The following COBL variants were observed in gnomAD, a reference collection of about 807,000 sequenced individuals.
COBL encodes protein cordon-bleu.
Under a neutral mutation model 98.8 loss-of-function variants are expected in COBL, and 51 were observed. The observed-to-expected ratio is 0.52, with a 90% confidence interval of 0.41 to 0.65. The LOEUF is 0.65. Among genes scored for constraint, COBL ranks in the 30% least tolerant of loss-of-function variants. The pLI, the probability that COBL is intolerant of heterozygous loss-of-function variation, is 0.00. For synonymous variants in COBL, 634 were observed against 651.7 expected (o/e 0.97, Z 0.41); for missense variants, 1,617 against 1,617.5 (o/e 1.00, Z 0.01).
intron 8 of COBL, among the ~76,000 whole-genome samples, chr7:51,041,957 T>C (rs1789241007): frequency 6.6e-6 from 1 of 152,124 alleles, no homozygotes; most frequent in Non-Finnish European, 1.5e-5. Context: ...AATACACCAG[T>C]GCTACAAAAA....
At chr7:51,284,917 T>A (rs1448771153) in intron 1 of COBL, among the ~76,000 whole-genome samples, 1 of 151,552 alleles carries the variant, frequency 6.6e-6, no homozygotes, top group Non-Finnish European at 1.5e-5. Flanking sequence ...AGGAACAAGG[T>A]AAGAGTGTGT....
chr7:51,083,385 C>T (rs1793872013), intron 7 of COBL, among the ~76,000 whole-genome samples: 1 of 152,192 alleles, frequency 6.6e-6, no homozygotes, highest in South Asian at 2.1e-4. Flanking sequence ...GCACCTAATC[C>T]ATTCTCATCT....
At position 51,048,633 on chromosome 7, in the gene COBL, GT is replaced by G. The variant is rs998891293; in HGVS notation, c.1097-4942del. On this transcript the variant is annotated intron_variant, in intron 7 of 12. Coordinates refer to ENST00000265136, the MANE Select transcript of COBL (RefSeq NM_015198.5). ...CTAACTGAATGTACTTTATGCTTGAGTTTTTTTTTTTATTCATCAAGCCTCT... is the reference window on the plus strand; with the variant it reads ...CTAACTGAATGTACTTTATGCTTGAGTTTTTTTTTTATTCATCAAGCCTCT... 6.6e-3 allele frequency among the ~76,000 whole-genome samples: 962 copies of G among 146,208 alleles called. 6 individuals carry two copies. The highest frequency in any genetic ancestry group is 0.018 in the Middle Eastern group (5 of 284).
chr7:51,226,287 T>A (rs970121878), intron 1 of COBL, among the ~76,000 whole-genome samples: 2 of 152,194 alleles, frequency 1.3e-5, no homozygotes, highest in African/African-American at 4.8e-5. Context: ...AGTCTGTTTA[T>A]GCTGCAGGCA....
chr7:51,282,565 G>C (rs1038727816), intron 1 of COBL, among the ~76,000 whole-genome samples: 1 of 152,012 alleles, frequency 6.6e-6, no homozygotes, highest in Non-Finnish European at 1.5e-5. Context: ...CTTTGAAATA[G>C]ATACAACAAC....
intron 1 of COBL, among the ~76,000 whole-genome samples, chr7:51,289,928 T>C (rs1800728664): frequency 6.6e-6 from 1 of 152,236 alleles, no homozygotes; most frequent in Non-Finnish European, 1.5e-5. Context: ...CCTCTCTGCC[T>C]TTCTTTGGCC....
chr7:51,272,549 TA>T (rs924320302), intron 1 of COBL, among the ~76,000 whole-genome samples: 13 of 152,138 alleles, frequency 8.5e-5, no homozygotes, highest in African/African-American at 3.1e-4. Flanking sequence ...TTTGGAGCTT[TA>T]AAAAGGAAAA....
chr7:51,240,711 T>TAAC lies in COBL; in HGVS notation c.42-20768_42-20767insGTT, dbSNP rs10625532. 3.3e-5 allele frequency among the ~76,000 whole-genome samples: 5 copies of TAAC among 150,936 alleles called. No homozygotes were observed. The East Asian group carries it at 5.8e-4, about 18-fold the overall frequency. On this transcript the variant is annotated intron_variant, in intron 1 of 12. Coordinates refer to ENST00000265136, the MANE Select transcript of COBL (RefSeq NM_015198.5). ...ACAGGCACGCACCACCACTCCTGGC[T>TAAC]TTTTGTATTTTAAGTAATACGGGGT...
intron 5 of COBL, among the ~76,000 whole-genome samples, chr7:51,148,521 G>A (rs562599140): frequency 6.6e-6 from 1 of 152,318 alleles, no homozygotes; most frequent in Non-Finnish European, 1.5e-5. Flanking sequence ...GCCCATGGAT[G>A]CTGTCCATGT....
chr7:51,114,846 T>G (rs1583842716), intron 6 of COBL, among the ~76,000 whole-genome samples: 1 of 152,354 alleles, frequency 6.6e-6, no homozygotes, highest in Admixed American at 6.5e-5. Flanking sequence ...ATTTGTTTAC[T>G]TGTTTATTTT....
At chr7:51,201,302 T>C (rs1467274984) in intron 2 of COBL, among the ~76,000 whole-genome samples, 1 of 151,166 alleles carries the variant, frequency 6.6e-6, no homozygotes, top group Non-Finnish European at 1.5e-5. Context: ...GGTAGCTATA[T>C]TGTCATTAAA....
At chr7:51,153,215 A>G (rs1179813077) in intron 5 of COBL, among the ~76,000 whole-genome samples, 1 of 152,260 alleles carries the variant, frequency 6.6e-6, no homozygotes, top group African/African-American at 2.4e-5. Context: ...CATCACTGGC[A>G]TCATACAAAA....
chr7:51,061,950 TACAC>T (rs3047134), intron 7 of COBL, among the ~76,000 whole-genome samples: 15 of 145,448 alleles, frequency 1.0e-4, no homozygotes, highest in Admixed American at 4.7e-4. Flanking sequence ...CCACCATAGA[TACAC>T]ACACACACAC....
At chr7:51,196,609 C>G (rs971213582) in intron 2 of COBL, among the ~76,000 whole-genome samples, 2 of 151,954 alleles carry the variant, frequency 1.3e-5, no homozygotes, top group Non-Finnish European at 2.9e-5. Context: ...CTTTGTATAT[C>G]TGGTAGAATT....
rs559419588 is a variant in COBL, at chr7:51,243,553, C to T, written c.42-23609G>A. On this transcript the variant is annotated intron_variant, in intron 1 of 12. Coordinates refer to ENST00000265136, the MANE Select transcript of COBL (RefSeq NM_015198.5). ...GTGAACAGTTAAACTCTGGTGCACC[C>T]GTGCCACGGGCTAGCCCTCAGCAGG... 1.7e-4 allele frequency among the ~76,000 whole-genome samples: 26 copies of T among 152,300 alleles called. No individual in the cohort carries two copies. In the East Asian group the frequency reaches 1.9e-3, roughly 11 times the overall value.
intron 6 of COBL, among the ~76,000 whole-genome samples, chr7:51,118,216 A>G (rs1797448455): frequency 6.6e-6 from 1 of 152,170 alleles, no homozygotes; most frequent in African/African-American, 2.4e-5. Flanking sequence ...TGCATATCAC[A>G]TTACCATTAG....
Position 51,085,155 on chromosome 7 carries a change from G to A in COBL, c.1096+11C>T, listed in dbSNP as rs1794082434. 5.0e-6 allele frequency: 8 copies of A among 1,613,730 alleles called. No homozygotes were observed. Among genetic ancestry groups the A allele is most frequent in the Non-Finnish European group, 6.8e-6 (8 of 1,179,914 alleles). On this transcript the variant is annotated intron_variant, in intron 7 of 12. Coordinates refer to ENST00000265136, the MANE Select transcript of COBL (RefSeq NM_015198.5). ...TCCCCGCATGCAGACGGCAGGCCGA[G>A]CCTCACTCACCCATCGTGCTCTTCC...
At chr7:51,131,008 CA>C (rs1798686431) in intron 6 of COBL, among the ~76,000 whole-genome samples, 1 of 152,174 alleles carries the variant, frequency 6.6e-6, no homozygotes, top group Non-Finnish European at 1.5e-5. Context: ...TCATTGAATA[CA>C]CAAGCAAATT....
Position 51,043,497 on chromosome 7 carries a change from T to C in COBL, c.1292A>G (p.Lys431Arg), listed in dbSNP as rs1789404419. 1.2e-6 allele frequency: 2 copies of C among 1,614,220 alleles called. No homozygotes were observed. Among genetic ancestry groups the C allele is most frequent in the Non-Finnish European group, 1.7e-6 (2 of 1,180,034 alleles). Residue 431 changes from lysine (K) to arginine (R), a missense_variant, in exon 8 of 13, where the codon AAG (lysine) becomes AGG (arginine). Coordinates refer to ENST00000265136, the MANE Select transcript of COBL (RefSeq NM_015198.5). ...GCAGTCTTCCTGGTCTGTGGCCCAC[T>C]TGTCTTTGTATTTCATGCTGTCCTG... ...SQQDSMKYKD[K>R]WATDQEDCSD...
Sources: gnomAD v4.1 joint callset for allele counts (sites outside exome capture counted in the v4.1 genomes callset) on GRCh38, gnomAD v4.1.1 for gene constraint, MANE v1.5 for transcripts, NCBI Gene and HGNC (gene_info 2026-07-23, HGNC 2026-07-21) for gene names.